Variants in VPS13A observed in about 807,000 individuals in gnomAD.
VPS13A encodes intermembrane lipid transfer protein VPS13A.
In VPS13A, 264 loss-of-function variants were observed where a neutral mutation model predicts 390.9. The ratio of observed to expected loss-of-function variants is 0.68; its 90% confidence interval spans 0.61 to 0.75. The LOEUF (loss-of-function observed/expected upper bound fraction) is 0.75, where lower values mean the gene tolerates loss of function less well. Ranked by LOEUF, VPS13A falls within the 30% of genes least tolerant of loss-of-function variation. The pLI is 0.00. For synonymous variants in VPS13A, 1,231 were observed against 1,227.1 expected (o/e 1.00, Z -0.07); for missense variants, 3,409 against 3,733.9 (o/e 0.91, Z 2.27).
At chr9:77,345,237 A>T (rs576875052) in intron 52 of VPS13A, 95 bp downstream of exon 52, 126 of 1,306,222 alleles carry the variant, frequency 9.6e-5, no homozygotes, top group Middle Eastern at 2.0e-4. Flanking sequence ...ATAAACACTG[A>T]TAATAGCATT....
chr9:77,187,283 A>C (rs1157477357), intron 1 of VPS13A, among the ~76,000 whole-genome samples: 1 of 152,174 alleles, frequency 6.6e-6, no homozygotes, highest in African/African-American at 2.4e-5. Context: ...TAATTCCATT[A>C]TCAATTTTTT....
chr9:77,353,096 G>A (rs1831560974), intron 53 of VPS13A, among the ~76,000 whole-genome samples: 1 of 151,932 alleles, frequency 6.6e-6, no homozygotes, highest in South Asian at 2.1e-4. Flanking sequence ...TTAGAATAAA[G>A]CAGAAAAAAA....
chr9:77,220,314 T>G lies in VPS13A; in HGVS notation c.920T>G (p.Met307Arg). Residue 307 changes from methionine to arginine, a missense_variant, in exon 12 of 72, where the codon ATG becomes AGG. Met to Arg is a moderately conservative substitution (Grantham distance 91, BLOSUM62 -1). Around this residue, in one of 5 missense-constraint regions of VPS13A, gnomAD observed 2,717 missense variants for 2,917.4 expected, o/e 0.93. Transcript: ENST00000360280. ...ATGGAGCTTCTTGAATCAGTTGATA[T>G]GATGGCACAAAATCTGCCATATAGG... ...SIMELLESVD[M>R]MAQNLPYRKF... The G allele has an allele frequency of 6.2e-7, 1 of 1,612,708 alleles. No homozygotes were observed. The highest frequency in any genetic ancestry group is 8.5e-7 in the Non-Finnish European group (1 of 1,179,278).
intron 17 of VPS13A, among the ~76,000 whole-genome samples, chr9:77,230,203 T>C (rs1442242662): frequency 6.6e-6 from 1 of 152,154 alleles, no homozygotes; most frequent in Non-Finnish European, 1.5e-5. Flanking sequence ...TCAGTTATTT[T>C]CTCTCACTGT....
rs1384110276 is a variant in VPS13A, at chr9:77,332,068, C to T, written c.6050C>T (p.Thr2017Ile). The change falls in exon 46 of 72, where the codon ACT (threonine) becomes ATT (isoleucine). Residue 2017 changes from threonine to isoleucine, a missense_variant. Transcript: ENST00000360280. ...TACGAAGGGGATACCTTATTGGGAA[C>T]TGCCTCACCTGAAAATGAATTCAAC... ...SVYEGDTLLG[T>I]ASPENEFNIP... 1.2e-6 allele frequency: 2 copies of T among 1,612,288 alleles called. No individual in the cohort carries two copies. Among genetic ancestry groups the T allele is most frequent in the Non-Finnish European group, 8.5e-7 (1 of 1,178,750 alleles).
chr9:77,194,724 G>T (rs1483320768), intron 1 of VPS13A, among the ~76,000 whole-genome samples: 1 of 152,168 alleles, frequency 6.6e-6, no homozygotes, highest in Non-Finnish European at 1.5e-5. Context: ...GAGTCATGGT[G>T]CTAGGGGAGC....
intron 26 of VPS13A, among the ~76,000 whole-genome samples, chr9:77,279,448 A>G (rs1364667335): frequency 6.6e-6 from 1 of 151,868 alleles, no homozygotes; most frequent in African/African-American, 2.4e-5. Flanking sequence ...GCTCTTCTCA[A>G]TGCTCAGCTG....
At chr9:77,326,790 G>T (rs1266661755) in intron 45 of VPS13A, among the ~76,000 whole-genome samples, 45 of 151,966 alleles carry the variant, frequency 3.0e-4, no homozygotes, top group Non-Finnish European at 1.5e-5. Flanking sequence ...TAAAACTACT[G>T]TATATATCAG....
At chr9:77,248,412 G>A (rs1824954131) in intron 20 of VPS13A, among the ~76,000 whole-genome samples, 1 of 151,708 alleles carries the variant, frequency 6.6e-6, no homozygotes. Flanking sequence ...TAGAGACTGG[G>A]TTTCACCATG....
chr9:77,405,825 A>G (rs1834574905), intron 69 of VPS13A, 39 bp from the exon 70 acceptor site: 1 of 1,609,510 alleles, frequency 6.2e-7, no homozygotes, highest in Non-Finnish European at 8.5e-7. Flanking sequence ...AAGTGCCTCA[A>G]TTTTAAAGCG....
chr9:77,416,909 TAA>T lies in VPS13A; in HGVS notation c.*905_*906del, dbSNP rs1835186817. On this transcript the variant is annotated 3_prime_UTR_variant, in exon 72 of 72. Coordinates refer to ENST00000360280, the MANE Select transcript of VPS13A (RefSeq NM_033305.3). ...CTTCCAACAGACAGTCCCTCTCATA[TAA>T]AGTTTATGTACCCTAAAATCTAACC... 1 of 152,638 alleles carries T rather than the reference TAA, an allele frequency of 6.6e-6. No individual in the cohort carries two copies. The highest frequency in any genetic ancestry group is 1.9e-4 in the East Asian group (1 of 5,200). The allele number at this position is 152,638 out of a possible 1,614,324, so 9.5% of individuals were successfully genotyped here. A position where few individuals can be genotyped will look rare whatever the true frequency, so the allele number is the denominator to read the frequency against.
At chr9:77,201,647 TAA>T (rs1179512504) in intron 3 of VPS13A, among the ~76,000 whole-genome samples, 2 of 152,178 alleles carry the variant, frequency 1.3e-5, no homozygotes, top group Non-Finnish European at 2.9e-5. Context: ...TAAATTGAGT[TAA>T]TTCAAAGGAT....
chr9:77,318,965 A>T (rs1829571545), intron 41 of VPS13A, among the ~76,000 whole-genome samples: 1 of 152,012 alleles, frequency 6.6e-6, no homozygotes, highest in South Asian at 2.1e-4. Flanking sequence ...GCCAAAGCAG[A>T]AGGATCGCTT....
Position 77,359,205 on chromosome 9 carries a change from T to C in VPS13A, c.8036-128T>C, listed in dbSNP as rs935515349. 7.7e-6 allele frequency: 6 copies of C among 779,616 alleles called. No individual in the cohort carries two copies. The African/African-American group carries it at 8.7e-5, about 11-fold the overall frequency. 48.3% of individuals were successfully genotyped at this position (779,616 alleles called of 1,614,324 possible). On this transcript the variant is annotated intron_variant, in intron 57 of 71. Transcript: ENST00000360280. Reference sequence around the variant, plus strand: ...AAGATTGTAGTAGATTTTGCCAATATCAGTAATTTTAACTGATATTTATTA... The same window carrying C: ...AAGATTGTAGTAGATTTTGCCAATACCAGTAATTTTAACTGATATTTATTA...
chr9:77,182,293 C>T (rs1824070333), intron 1 of VPS13A, among the ~76,000 whole-genome samples: 1 of 152,044 alleles, frequency 6.6e-6, no homozygotes, highest in Admixed American at 6.6e-5. Flanking sequence ...GGCATTTCAC[C>T]ACGTCAACCA....
Position 77,238,102 on chromosome 9 carries a change from C to G in VPS13A, c.1696C>G (p.Gln566Glu). 6 of 1,613,316 alleles carry G rather than the reference C, an allele frequency of 3.7e-6. No individual in the cohort carries two copies. The highest frequency in any genetic ancestry group is 5.1e-6 in the Non-Finnish European group (6 of 1,179,612). The change falls in exon 18 of 72, where the codon CAA (glutamine) becomes GAA (glutamate). Residue 566 changes from glutamine (Q) to glutamate (E), a missense_variant. By Grantham distance (29) the Gln-to-Glu change is conservative. This residue lies in a region of VPS13A where 2,717 missense variants were observed against 2,917.4 expected (regional missense o/e 0.93). Transcript: ENST00000360280. Reference sequence around the variant, plus strand: ...ATTGGATGATGCAATGTCACTTTTCCAAATTACATTTGAGATAAATCCATT... The same window carrying G: ...ATTGGATGATGCAATGTCACTTTTCGAAATTACATTTGAGATAAATCCATT... ...SSLDDAMSLF[Q>E]ITFEINPLDE... is the part of the protein sequence containing the mutation.
intron 48 of VPS13A, 95 bp from the exon 49 acceptor site, chr9:77,340,080 TATA>T (rs1168520235): frequency 1.5e-6 from 2 of 1,347,744 alleles, no homozygotes; most frequent in South Asian, 1.2e-5. Context: ...GCATTAACAA[TATA>T]ATATTTTGTT....
chr9:77,286,037 T>G (rs1827303169), intron 31 of VPS13A, among the ~76,000 whole-genome samples: 2 of 152,198 alleles, frequency 1.3e-5, no homozygotes, highest in Admixed American at 1.3e-4. Flanking sequence ...GATTCAGGGT[T>G]TGGGAGTAGG....
At position 77,281,918 on chromosome 9, in the gene VPS13A, T is replaced by C. The variant is rs763265201; in HGVS notation, c.2956T>C (p.Leu986=). The change falls in exon 28 of 72, where the codon TTG becomes CTG. Residue 986 remains leucine (L), a synonymous_variant. Coordinates refer to ENST00000360280, the MANE Select transcript of VPS13A (RefSeq NM_033305.3). Reference sequence around the variant, plus strand: ...AAGTACCTATAACAATGTTTTACAATTGATTAAGGTATGAGTAGATAATTT... The same window carrying C: ...AAGTACCTATAACAATGTTTTACAACTGATTAAGGTATGAGTAGATAATTT... ...LKSTYNNVLQ[L]IKVNFSSLDI... 6.3e-7 allele frequency: 1 copy of C among 1,575,548 alleles called. No individual in the cohort carries two copies.
Sources: gnomAD v4.1 joint callset for allele counts (sites outside exome capture counted in the v4.1 genomes callset) on GRCh38, gnomAD v4.1.1 for gene constraint, gnomAD v4.1.1 regional missense constraint, MANE v1.5 for transcripts, NCBI Gene and HGNC (gene_info 2026-07-23, HGNC 2026-07-21) for gene names.